CALN1: variants seen among roughly 807,000 people sequenced by gnomAD.
The protein encoded by CALN1 is calneuron 1, also known as calcium-binding protein 8.
CALN1 carries 17 observed loss-of-function variants against 30.6 expected under a neutral mutation model. That is an observed-to-expected ratio of 0.56 (90% CI 0.38 to 0.83). CALN1 has a LOEUF of 0.83. CALN1 is among the 40% of genes least tolerant of loss of function. The pLI is 0.00. For missense variants in CALN1, 291 were observed against 354.9 expected (o/e 0.82, Z 1.45); for synonymous variants, 156 against 131.4 (o/e 1.19, Z -1.28).
intron 3 of CALN1, among the ~76,000 whole-genome samples, chr7:72,113,980 C>CA (rs2129541709): frequency 6.6e-6 from 1 of 152,022 alleles, no homozygotes; most frequent in South Asian, 2.1e-4. Context: ...AGCATGGTGG[C>CA]AGAGGACACT....
intron 4 of CALN1, among the ~76,000 whole-genome samples, chr7:72,093,016 A>G (rs970737370): frequency 1.3e-5 from 2 of 152,132 alleles, no homozygotes; most frequent in Non-Finnish European, 2.9e-5. Flanking sequence ...ATTTGGGGGT[A>G]TATTTATTGC....
chr7:71,790,388 GAAAGAAAGAAAGAAAGAAA>G (rs1793297431), intron 6 of CALN1, among the ~76,000 whole-genome samples: 1 of 108,090 alleles, frequency 9.3e-6, no homozygotes, highest in African/African-American at 4.3e-5. Context: ...AAGAAAGAAA[GAAAGAAAGAAAGAAAGAAA>G]GAAAGAAAGA....
chr7:72,214,930 A>C (rs2129548463), intron 3 of CALN1, among the ~76,000 whole-genome samples: 1 of 151,852 alleles, frequency 6.6e-6, no homozygotes, highest in East Asian at 1.9e-4. Flanking sequence ...TCACTCCCAG[A>C]TAGGACTATC....
rs76154251 is a variant in CALN1, at chr7:72,207,192, C to A, written c.244+71494G>T. Among the ~76,000 whole-genome samples the A allele has an allele frequency of 8.0e-3, 1,213 of 152,288 alleles. 16 individuals are homozygous for A. Among genetic ancestry groups the A allele is most frequent in the African/African-American group, 0.027 (1,127 of 41,554 alleles). On this transcript the variant is annotated intron_variant, in intron 3 of 6. Coordinates refer to ENST00000395275, the MANE Select transcript of CALN1 (RefSeq NM_031468.4). Reference sequence around the variant, plus strand: ...TTCTACATTTACGCATCCTCCCACTCTCTCCCCGATTCACTAGGCTCCAAC... The same window carrying A: ...TTCTACATTTACGCATCCTCCCACTATCTCCCCGATTCACTAGGCTCCAAC...
At chr7:71,932,651 A>G (rs1467792037) in intron 5 of CALN1, among the ~76,000 whole-genome samples, 1 of 151,738 alleles carries the variant, frequency 6.6e-6, no homozygotes, top group Non-Finnish European at 1.5e-5. Flanking sequence ...GTCTCTACTA[A>G]AAATACAAAA....
At chr7:72,391,279 G>A (rs1265587682) in intron 2 of CALN1, among the ~76,000 whole-genome samples, 1 of 152,160 alleles carries the variant, frequency 6.6e-6, no homozygotes, top group Non-Finnish European at 1.5e-5. Flanking sequence ...AGCCCAGTTA[G>A]TTTAGGAAAA....
At chr7:72,215,676 A>G (rs1792746133) in intron 3 of CALN1, among the ~76,000 whole-genome samples, 2 of 152,242 alleles carry the variant, frequency 1.3e-5, no homozygotes, top group South Asian at 4.1e-4. Flanking sequence ...ATACTGCAAA[A>G]GACTTGAAAT....
chr7:72,421,070 T>C (rs978743523), intron 1 of CALN1, among the ~76,000 whole-genome samples: 3 of 152,194 alleles, frequency 2.0e-5, no homozygotes, highest in Non-Finnish European at 4.4e-5. Context: ...AGTGCGTTTT[T>C]AGAGTGAGCA....
intron 3 of CALN1, among the ~76,000 whole-genome samples, chr7:72,143,493 G>A (rs1032242567): frequency 7.2e-5 from 11 of 152,128 alleles, no homozygotes; most frequent in African/African-American, 2.7e-4. Flanking sequence ...CCAAATCTAC[G>A]ACTGATTGGT....
intron 4 of CALN1, among the ~76,000 whole-genome samples, chr7:72,037,341 G>A (rs1159769177): frequency 2.0e-5 from 3 of 151,928 alleles, no homozygotes; most frequent in Non-Finnish European, 4.4e-5. Flanking sequence ...TAGTAGAGAT[G>A]GGGTTTCACT....
intron 3 of CALN1, among the ~76,000 whole-genome samples, chr7:72,249,014 TAAA>T (rs1287439501): frequency 1.3e-5 from 2 of 152,120 alleles, no homozygotes; most frequent in Non-Finnish European, 2.9e-5. Context: ...CAAATTAATT[TAAA>T]AAATCACATA....
intron 5 of CALN1, among the ~76,000 whole-genome samples, chr7:71,976,120 G>T (rs1798090944): frequency 6.6e-6 from 1 of 151,892 alleles, no homozygotes; most frequent in Admixed American, 6.6e-5. Flanking sequence ...CACTGGTCTT[G>T]GGTCCACCAT....
At chr7:72,011,679 C>G (rs924219038) in intron 5 of CALN1, among the ~76,000 whole-genome samples, 1 of 152,176 alleles carries the variant, frequency 6.6e-6, no homozygotes, top group Non-Finnish European at 1.5e-5. Flanking sequence ...TCCTTTCTCT[C>G]CTGTTTGCTT....
At chr7:72,092,765 A>G (rs1805960927) in intron 4 of CALN1, among the ~76,000 whole-genome samples, 1 of 152,074 alleles carries the variant, frequency 6.6e-6, no homozygotes, top group Non-Finnish European at 1.5e-5. Context: ...GATAATAATC[A>G]TGGCCATGTG....
the CALN1 span, among the ~76,000 whole-genome samples, chr7:72,502,023 T>C: frequency 7.0e-6 from 1 of 142,960 alleles, no homozygotes; most frequent in Non-Finnish European, 1.5e-5. Context: ...ATATATTCTT[T>C]AAATGATCTA....
chr7:72,202,043 G>A (rs555064731), intron 3 of CALN1, among the ~76,000 whole-genome samples: 1 of 152,286 alleles, frequency 6.6e-6, no homozygotes, highest in African/African-American at 2.4e-5. Flanking sequence ...ACAATTCAAG[G>A]ACACGTGGAC....
intron 5 of CALN1, among the ~76,000 whole-genome samples, chr7:71,849,038 G>C (rs1232970013): frequency 1.3e-5 from 2 of 152,144 alleles, no homozygotes; most frequent in African/African-American, 4.8e-5. Flanking sequence ...TTTAGTCAAA[G>C]CTGTTTGTTT....
chr7:72,275,165 A>G (rs1797255324), intron 3 of CALN1, among the ~76,000 whole-genome samples: 1 of 152,076 alleles, frequency 6.6e-6, no homozygotes. Flanking sequence ...ATAGCACCCA[A>G]CTAATGCCTA....
At chr7:72,487,917 A>AG in the CALN1 span, among the ~76,000 whole-genome samples, 1 of 62,242 alleles carries the variant, frequency 1.6e-5, no homozygotes, top group Admixed American at 1.6e-4. Context: ...AAAGAAAGAA[A>AG]GAAGGAAGGA....
Sources: allele counts gnomAD v4.1 joint callset (sites outside exome capture counted in the v4.1 genomes callset), GRCh38; gene constraint gnomAD v4.1.1; transcripts MANE v1.5; gene names NCBI Gene and HGNC (gene_info 2026-07-23, HGNC 2026-07-21).